JAKMIP1: variants seen among roughly 807,000 people sequenced by gnomAD.
JAKMIP1 encodes janus kinase and microtubule interacting protein 1.
JAKMIP1 carries 33 observed loss-of-function variants against 113.0 expected under a neutral mutation model. The ratio of observed to expected loss-of-function variants is 0.29; its 90% CI spans 0.22 to 0.39. The LOEUF (loss-of-function observed/expected upper bound fraction) is 0.39. Ranked by LOEUF, JAKMIP1 falls within the 10% of genes least tolerant of loss-of-function variation. JAKMIP1 has a pLI of 1.00. For synonymous variants in JAKMIP1, 480 were observed against 459.9 expected (o/e 1.04, Z -0.56); for missense variants, 813 against 1,080.5 (o/e 0.75, Z 3.47).
In JAKMIP1 at chr4:6,185,756, C is replaced by A. The variant is rs753608452; in HGVS notation, c.-148+14497G>T. On this transcript the variant is annotated intron_variant, in intron 1 of 20. Coordinates refer to ENST00000409021, the MANE Select transcript of JAKMIP1 (RefSeq NM_001099433.2). The surrounding 1 kb of genome is among the most constrained non-coding windows in gnomAD (Gnocchi z 5.3). ...GCTCCCAGGTGAGGCTGCTGCTGGCCCAGGACCTCATTTTGAGAACCACTT... is the reference window on the plus strand; with the variant it reads ...GCTCCCAGGTGAGGCTGCTGCTGGCACAGGACCTCATTTTGAGAACCACTT... 1.3e-5 allele frequency among the ~76,000 whole-genome samples: 2 copies of A among 152,124 alleles called. No individual in the cohort carries two copies. The highest frequency in any genetic ancestry group is 2.9e-5 in the Non-Finnish European group (2 of 68,018).
At chr4:6,107,833 G>A (rs540617332) in intron 2 of JAKMIP1, among the ~76,000 whole-genome samples, 3 of 152,236 alleles carry the variant, frequency 2.0e-5, no homozygotes, top group South Asian at 4.2e-4. Flanking sequence ...CAGAGCTCCA[G>A]TTTCCTCTAC....
rs1005075659 is a variant in JAKMIP1 at position 6,049,409 on chromosome 4, C to T, written c.1962+410G>A. Among the ~76,000 whole-genome samples the T allele has an allele frequency of 4.6e-5, 7 of 152,198 alleles. No individual in the cohort carries two copies. The highest frequency in any genetic ancestry group is 7.2e-5 in the African/African-American group (3 of 41,440). ...AGCTCCCTCTCGCTAATGGGGCCAG[C>T]GCCTCAGGCAGACAGCTCCTGTCCC... On this transcript the variant is annotated intron_variant, in intron 15 of 20. Transcript: ENST00000409021. This position sits in a 1 kb window ranked among gnomAD's most constrained non-coding sequence, Gnocchi z 7.0.
At chr4:6,114,251 G>C (rs1715403448) in intron 1 of JAKMIP1, among the ~76,000 whole-genome samples, 1 of 152,230 alleles carries the variant, frequency 6.6e-6, no homozygotes, top group South Asian at 2.1e-4. Flanking sequence ...GGAAGGCCAT[G>C]AACAGGACAG....
intron 1 of JAKMIP1, among the ~76,000 whole-genome samples, chr4:6,124,385 G>A (rs958422654): frequency 9.2e-5 from 14 of 152,112 alleles, no homozygotes; most frequent in African/African-American, 2.2e-4. Context: ...CCAATTCCAC[G>A]CTTAAGTGTG....
Position 6,076,603 on chromosome 4 carries a change from C to G in JAKMIP1, c.1302+2336G>C. 6.6e-6 allele frequency among the ~76,000 whole-genome samples: 1 copy of G among 151,988 alleles called. No individual in the cohort carries two copies. Among genetic ancestry groups the G allele is most frequent in the East Asian group, 1.9e-4 (1 of 5,180 alleles). ...AGGCCACCAGGAGGCAGCCTGGGAG[C>G]CAAATTGCACCCATAGATATATTTT... On this transcript the variant is annotated intron_variant, in intron 8 of 20. Coordinates refer to ENST00000409021, the MANE Select transcript of JAKMIP1 (RefSeq NM_001099433.2). The surrounding 1 kb of genome is among the most constrained non-coding windows in gnomAD (Gnocchi z 4.8).
At chr4:6,026,356 A>C in intron 20 of JAKMIP1, 78 bp from the exon 21 acceptor site, 2 of 752,672 alleles carry the variant, frequency 2.7e-6, no homozygotes, top group Non-Finnish European at 4.5e-6. Context: ...TGTAGTATGG[A>C]ACTCAATGAC....
intron 5 of JAKMIP1, among the ~76,000 whole-genome samples, chr4:6,082,024 T>C (rs1048767361): frequency 2.6e-5 from 4 of 152,192 alleles, no homozygotes; most frequent in African/African-American, 9.7e-5. Context: ...GTTATTTTCA[T>C]GGAAAGAATT....
chr4:6,077,469 T>C lies in JAKMIP1; in HGVS notation c.1302+1470A>G, dbSNP rs1402671194. 9.6e-5 allele frequency among the ~76,000 whole-genome samples: 14 copies of C among 146,134 alleles called. No homozygotes were observed. In the Admixed American group the frequency reaches 1.0e-3, roughly 10 times the overall value. On this transcript the variant is annotated intron_variant, in intron 8 of 20. Transcript: ENST00000409021. ...TCTGGCCTCTAGAACTGTAAGATAA[T>C]ACATTTCCTTTCCTTTTTTTTTTTT...
rs180930789 is a variant in JAKMIP1 at position 6,160,771 on chromosome 4, G to A, written c.-148+39482C>T. Among the ~76,000 whole-genome samples the A allele has an allele frequency of 2.5e-4, 38 of 152,122 alleles. No individual in the cohort carries two copies. The East Asian group carries it at 5.8e-3, about 23-fold the overall frequency. ...CGTCTGAAGTCTGCACTGCCTCTTC[G>A]CTTTCCTGCGCGGGGGCTTCAGCTC... On this transcript the variant is annotated intron_variant, in intron 1 of 20. Transcript: ENST00000409021.
At chr4:6,170,697 T>C in intron 1 of JAKMIP1, among the ~76,000 whole-genome samples, 1 of 137,416 alleles carries the variant, frequency 7.3e-6, no homozygotes, top group African/African-American at 2.8e-5. Flanking sequence ...TCACCCTCCT[T>C]AACACCATCA....
rs1348623378 is a variant in JAKMIP1, at chr4:6,105,883, G to A, written c.214C>T (p.Leu72Phe). 1 of 1,612,150 alleles carries A rather than the reference G, an allele frequency of 6.2e-7. No individual in the cohort carries two copies. Among genetic ancestry groups the A allele is most frequent in the Admixed American group, 1.7e-5 (1 of 60,016 alleles). Residue 72 changes from leucine to phenylalanine, a missense_variant, in exon 3 of 21, where the codon CTC becomes TTC. By Grantham distance (22) the Leu-to-Phe change is conservative. This residue lies in a region of JAKMIP1 where 540 missense variants were observed against 653.9 expected (regional missense o/e 0.83). Coordinates refer to ENST00000409021, the MANE Select transcript of JAKMIP1 (RefSeq NM_001099433.2). ...QRRHTAYISELKAKLHEEKTK... is the reference protein window; with the variant it reads ...QRRHTAYISEFKAKLHEEKTK... ...TTCTCCTCATGCAGCTTGGCCTTGA[G>A]CTCCGAAATGTAGGCCGTGTGCCGT...
chr4:6,189,947 A>G (rs1293357394), intron 1 of JAKMIP1, among the ~76,000 whole-genome samples: 2 of 152,220 alleles, frequency 1.3e-5, no homozygotes, highest in African/African-American at 2.4e-5. Flanking sequence ...AGAGGGAGGC[A>G]GCGTGGGCCA....
rs368991601 is a variant in JAKMIP1 at position 6,138,182 on chromosome 4, T to A, written c.-147-25185A>T. ...TAGCTGGACAGAGTGGCTTCTGTTA[T>A]CTGCACCTGAACACAGATGAAAGCT... On this transcript the variant is annotated intron_variant, in intron 1 of 20. Coordinates refer to ENST00000409021, the MANE Select transcript of JAKMIP1 (RefSeq NM_001099433.2). This position sits in a 1 kb window ranked among gnomAD's most constrained non-coding sequence, Gnocchi z 6.0. Among the ~76,000 whole-genome samples the A allele has an allele frequency of 1.3e-5, 2 of 152,334 alleles. No homozygotes were observed.
intron 1 of JAKMIP1, among the ~76,000 whole-genome samples, chr4:6,177,767 C>T (rs1284603637): frequency 6.6e-6 from 1 of 152,172 alleles, no homozygotes; most frequent in Admixed American, 6.5e-5. Flanking sequence ...CCCCCAATGC[C>T]ACTACCCACA....
intron 18 of JAKMIP1, among the ~76,000 whole-genome samples, chr4:6,038,222 T>C (rs1390150853): frequency 6.8e-6 from 1 of 146,326 alleles, no homozygotes; most frequent in Non-Finnish European, 1.5e-5. Context: ...GGCTAACCAG[T>C]AGCCCTCCAT....
Position 6,143,394 on chromosome 4 carries a change from A to G in JAKMIP1, c.-147-30397T>C, listed in dbSNP as rs1470735336. 6.6e-6 allele frequency among the ~76,000 whole-genome samples: 1 copy of G among 152,110 alleles called. No individual in the cohort carries two copies. Among genetic ancestry groups the G allele is most frequent in the African/African-American group, 2.4e-5 (1 of 41,442 alleles). ...AAGGCCTCGAAACTCAGCTGCCACC[A>G]ACTCCTCTCTGGCGCCATGTCTGAA... On this transcript the variant is annotated intron_variant, in intron 1 of 20. Coordinates refer to ENST00000409021, the MANE Select transcript of JAKMIP1 (RefSeq NM_001099433.2). This position sits in a 1 kb window ranked among gnomAD's most constrained non-coding sequence, Gnocchi z 4.9.
At chr4:6,121,655 G>C (rs933357352) in intron 1 of JAKMIP1, among the ~76,000 whole-genome samples, 11 of 152,226 alleles carry the variant, frequency 7.2e-5, no homozygotes, top group Non-Finnish European at 1.5e-4. Context: ...TGAGCCCTCG[G>C]CACACGCCAT....
chr4:6,147,570 C>T lies in JAKMIP1; in HGVS notation c.-147-34573G>A, dbSNP rs538521685. On this transcript the variant is annotated intron_variant, in intron 1 of 20. Coordinates refer to ENST00000409021, the MANE Select transcript of JAKMIP1 (RefSeq NM_001099433.2). ...ACTCCTATGACTAGATGGCTCCAAA[C>T]GGTCCCCCAGGCTCAGGATCCAGCT... is the stretch of plus-strand genomic sequence containing the variant. Among the ~76,000 whole-genome samples, 16 of 152,296 alleles carry T rather than the reference C, an allele frequency of 1.1e-4. No homozygotes were observed. The South Asian group carries it at 1.5e-3, about 14-fold the overall frequency.
intron 5 of JAKMIP1, among the ~76,000 whole-genome samples, chr4:6,084,595 G>T (rs1212905331): frequency 6.6e-6 from 1 of 152,080 alleles, no homozygotes; most frequent in Non-Finnish European, 1.5e-5. Flanking sequence ...ACACTGCAAT[G>T]AACATCCTCT....
Sources: allele counts gnomAD v4.1 joint callset (sites outside exome capture counted in the v4.1 genomes callset), GRCh38; gene constraint gnomAD v4.1.1; regional missense constraint gnomAD v4.1.1; non-coding constraint Gnocchi (gnomAD v3.1); transcripts MANE v1.5; gene names NCBI Gene and HGNC (gene_info 2026-07-23, HGNC 2026-07-21).